The following ABHD12 variants were observed in gnomAD, a reference collection of about 807,000 sequenced individuals.
ABHD12 encodes the protein lysophosphatidylserine lipase ABHD12.
ABHD12 carries 43 observed loss-of-function variants against 58.3 expected under a neutral mutation model. That is an observed-to-expected ratio of 0.74 (90% CI 0.58 to 0.95). The LOEUF is 0.95. ABHD12 is among the 40% of genes least tolerant of loss of function. ABHD12 has a pLI of 0.00. For missense variants in ABHD12, 539 were observed against 537.2 expected (o/e 1.00, Z -0.03); for synonymous variants, 219 against 211.2 (o/e 1.04, Z -0.32).
chr20:25,335,765 C>T (rs1214942685), intron 2 of ABHD12, among the ~76,000 whole-genome samples: 1 of 144,952 alleles, frequency 6.9e-6, no homozygotes, highest in African/African-American at 2.6e-5. Context: ...AATGAGAACA[C>T]ATGGACACAG....
intron 1 of ABHD12, among the ~76,000 whole-genome samples, chr20:25,360,842 G>C (rs4815407): frequency 0.57 from 86,419 of 152,016 alleles, 25,304 homozygotes; most frequent in African/African-American, 0.62. Flanking sequence ...GGAAAAACCC[G>C]TCTGGGCTTC....
At chr20:25,373,681 T>G (rs1600870217) in intron 1 of ABHD12, among the ~76,000 whole-genome samples, 2 of 148,320 alleles carry the variant, frequency 1.3e-5, no homozygotes, top group South Asian at 2.1e-4. Context: ...GGTTTGAAGG[T>G]TTTTTTTTTC....
intron 1 of ABHD12, among the ~76,000 whole-genome samples, chr20:25,344,277 C>G (rs1320570524): frequency 6.6e-6 from 1 of 152,180 alleles, no homozygotes; most frequent in Non-Finnish European, 1.5e-5. Flanking sequence ...TAAAACTTTG[C>G]AGATCACATG....
Position 25,342,714 on chromosome 20 carries a change from T to TC in ABHD12, c.192-3364_192-3363insG, listed in dbSNP as rs1282211089. Among the ~76,000 whole-genome samples the TC allele has an allele frequency of 1.1e-4, 17 of 152,288 alleles. No homozygotes were observed. The East Asian group carries it at 2.9e-3, about 26-fold the overall frequency. On this transcript the variant is annotated intron_variant, in intron 1 of 12. Transcript: ENST00000339157. ...CCCAGGTCCAAGCCATCCTCCCACC[T>TC]TGGCCTCCCAAGTAGCTCAGACCAC...
intron 1 of ABHD12, among the ~76,000 whole-genome samples, chr20:25,342,789 T>C (rs1221889446): frequency 6.6e-6 from 1 of 152,120 alleles, no homozygotes; most frequent in Non-Finnish European, 1.5e-5. Context: ...GGTCTCCCTA[T>C]ATTGCCCAGG....
At chr20:25,313,087 CCAA>C (rs1185648873) in intron 6 of ABHD12, among the ~76,000 whole-genome samples, 2 of 152,266 alleles carry the variant, frequency 1.3e-5, no homozygotes, top group Non-Finnish European at 2.9e-5. Flanking sequence ...GGAGGTGTAC[CCAA>C]CAGCTCATTG....
chr20:25,383,139 T>G (rs892635048), intron 1 of ABHD12, among the ~76,000 whole-genome samples: 1 of 152,138 alleles, frequency 6.6e-6, no homozygotes, highest in Non-Finnish European at 1.5e-5. Context: ...CAGGGACACT[T>G]AGAGGGTGAG....
intron 2 of ABHD12, chr20:25,338,866 T>G (rs763651532): frequency 2.8e-5 from 30 of 1,078,504 alleles, no homozygotes; most frequent in Non-Finnish European, 3.4e-5. Context: ...CTTCTCATGT[T>G]GTCAACATTT....
chr20:25,324,285 T>C (rs1404254497), intron 2 of ABHD12, among the ~76,000 whole-genome samples: 1 of 152,186 alleles, frequency 6.6e-6, no homozygotes, highest in Non-Finnish European at 1.5e-5. Context: ...CCTCCACATG[T>C]GGCTGGGAGG....
intron 1 of ABHD12, among the ~76,000 whole-genome samples, chr20:25,352,202 G>A (rs2089609716): frequency 1.3e-5 from 2 of 151,818 alleles, no homozygotes; most frequent in Non-Finnish European, 2.9e-5. Flanking sequence ...ACATTGGCCA[G>A]GCTGGTCTCA....
chr20:25,313,192 GT>G (rs2145949088), intron 6 of ABHD12, among the ~76,000 whole-genome samples: 1 of 152,386 alleles, frequency 6.6e-6, no homozygotes, highest in African/African-American at 2.4e-5. Context: ...TGCTGTGTCT[GT>G]GTAGAAAGAA....
chr20:25,342,515 G>C (rs1485860470), intron 1 of ABHD12, among the ~76,000 whole-genome samples: 1 of 147,614 alleles, frequency 6.8e-6, no homozygotes, highest in African/African-American at 2.5e-5. Context: ...GAGCAAGTCT[G>C]TCAGTGCCAT....
intron 1 of ABHD12, among the ~76,000 whole-genome samples, chr20:25,352,020 C>A (rs762531588): frequency 6.6e-6 from 1 of 152,210 alleles, no homozygotes; most frequent in Non-Finnish European, 1.5e-5. Flanking sequence ...GAGACAGAGT[C>A]TCTCTCTGAA....
Position 25,351,453 on chromosome 20 carries a change from G to C in ABHD12, c.192-12102C>G, listed in dbSNP as rs1482799735. On this transcript the variant is annotated intron_variant, in intron 1 of 12. Coordinates refer to ENST00000339157, the MANE Select transcript of ABHD12 (RefSeq NM_001042472.3). ...TCACAGTGTGTGTCTTGTTCCCATTGAAATAACTGCATTGGAAGTCACTTT... is the reference window on the plus strand; with the variant it reads ...TCACAGTGTGTGTCTTGTTCCCATTCAAATAACTGCATTGGAAGTCACTTT... Among the ~76,000 whole-genome samples the C allele has an allele frequency of 2.0e-5, 3 of 152,304 alleles. No homozygotes were observed. In the East Asian group the frequency reaches 5.8e-4, roughly 29 times the overall value.
intron 11 of ABHD12, 92 bp downstream of exon 11, chr20:25,303,458 G>A (rs1370227062): frequency 6.4e-7 from 1 of 1,561,334 alleles, no homozygotes; most frequent in Non-Finnish European, 8.7e-7. Context: ...TGCAGGGGCT[G>A]CCTTCCCGCC....
At chr20:25,296,719 T>C, downstream of ABHD12, 1 of 726,402 alleles carries the variant, frequency 1.4e-6, no homozygotes, top group Non-Finnish European at 2.2e-6. Context: ...GCTCCTAGTT[T>C]CTTGTAAAGG....
Position 25,300,521 on chromosome 20 carries a change from C to T in ABHD12, c.*324G>A. On this transcript the variant is annotated 3_prime_UTR_variant, in exon 13 of 13. Coordinates refer to ENST00000339157, the MANE Select transcript of ABHD12 (RefSeq NM_001042472.3). ...CCCCAAGAGTCCCCTGCCCGGACTC[C>T]CCCTGTCCAGCTCAGTGCAGCATCA... The T allele has an allele frequency of 7.5e-7, 1 of 1,332,366 alleles. No homozygotes were observed. Among genetic ancestry groups the T allele is most frequent in the Non-Finnish European group, 9.6e-7 (1 of 1,038,180 alleles). 82.5% of individuals were successfully genotyped at this position (1,332,366 alleles called of 1,614,324 possible). A position where few individuals can be genotyped will look rare whatever the true frequency, so the allele number is the denominator to read the frequency against.
chr20:25,339,441 G>A, intron 1 of ABHD12, 90 bp from the exon 2 acceptor site: 1 of 1,589,558 alleles, frequency 6.3e-7, no homozygotes, highest in Non-Finnish European at 8.6e-7. Flanking sequence ...CCCTAAACAA[G>A]AGCCACACAT....
At chr20:25,335,574 T>C (rs372136143) in intron 2 of ABHD12, among the ~76,000 whole-genome samples, 7,498 of 123,526 alleles carry the variant, frequency 0.061, 195 homozygotes, top group Non-Finnish European at 0.087. Context: ...CCAACAATGA[T>C]AGACTGGATT....
Sources: allele counts gnomAD v4.1 joint callset (sites outside exome capture counted in the v4.1 genomes callset), GRCh38; gene constraint gnomAD v4.1.1; transcripts MANE v1.5; gene names NCBI Gene and HGNC (gene_info 2026-07-23, HGNC 2026-07-21).